The following KRT28 variants were observed in gnomAD, a reference collection of about 807,000 sequenced individuals.
The protein encoded by KRT28 is keratin 28.
KRT28 carries 45 observed loss-of-function variants against 48.1 expected under a neutral mutation model. That is an observed-to-expected ratio of 0.94 (90% confidence interval 0.74 to 1.20). The LOEUF (loss-of-function observed/expected upper bound fraction) is 1.20. Ranked by LOEUF, KRT28 falls within the 50% of genes most tolerant of loss-of-function variation. The pLI is 0.00. For synonymous variants in KRT28, 228 were observed against 227.4 expected (o/e 1.00, Z -0.03); for missense variants, 571 against 574.1 (o/e 0.99, Z 0.06).
At chr17:40,797,991 C>T (rs1028209162) in intron 3 of KRT28, among the ~76,000 whole-genome samples, 3 of 152,062 alleles carry the variant, frequency 2.0e-5, no homozygotes, top group Admixed American at 6.5e-5. Flanking sequence ...TAGGGATGAC[C>T]GCTGTCATTT....
chr17:40,793,108 T>C, intron 7 of KRT28, 47 bp downstream of exon 7: 1 of 1,344,470 alleles, frequency 7.4e-7, no homozygotes, highest in East Asian at 2.6e-5. Flanking sequence ...TCAAAAAAAT[T>C]TAAAAAAAGA....
chr17:40,793,714 C>CT lies in KRT28; in HGVS notation c.1196+114dup, dbSNP rs1030572797. The CT allele has an allele frequency of 3.1e-6, 3 of 978,358 alleles. No homozygotes were observed. In the African/African-American group the frequency reaches 4.9e-5, roughly 16 times the overall value. The allele number at this position is 978,358 out of a possible 1,614,324, so 60.6% of individuals were successfully genotyped here. ...TCCAAAAAAACAAGAGATGGACATG[C>CT]TTTTCTGCAGTGGGAATGAAAAAGA... On this transcript the variant is annotated intron_variant, in intron 6 of 7. Coordinates refer to ENST00000306658, the MANE Select transcript of KRT28 (RefSeq NM_181535.3).
At chr17:40,794,673 C>T (rs1458934704) in intron 5 of KRT28, among the ~76,000 whole-genome samples, 2 of 152,212 alleles carry the variant, frequency 1.3e-5, no homozygotes, top group African/African-American at 2.4e-5. Flanking sequence ...CATACTTCCT[C>T]TTTGCTACTT....
At position 40,793,832 on chromosome 17, in the gene KRT28, C is replaced by T. The variant is rs750479278; in HGVS notation, c.1193G>A (p.Gly398Glu). 55 of 1,613,818 alleles carry T rather than the reference C, an allele frequency of 3.4e-5. No homozygotes were observed. The highest frequency in any genetic ancestry group is 4.4e-5 in the Non-Finnish European group (52 of 1,179,830). ...ETYCRLIDGD[G>E]NSCSKSKGFG... ...ATTTTCAAATGGCTTTACTTACTTT[C>T]CATCTCCATCTATCAGGCGGCAGTA... The change falls in exon 6 of 8, where the codon GGA becomes GAA. Residue 398 changes from glycine (G) to glutamate (E), a missense_variant. Physicochemically the swap from Gly to Glu is moderately conservative, Grantham distance 98. Transcript: ENST00000306658.
At chr17:40,795,033 A>T (rs1424291117) in intron 5 of KRT28, among the ~76,000 whole-genome samples, 1 of 152,184 alleles carries the variant, frequency 6.6e-6, no homozygotes, top group Non-Finnish European at 1.5e-5. Context: ...TTAAAAAATA[A>T]TTTTGTATAT....
At position 40,799,513 on chromosome 17, in the gene KRT28, A is replaced by G; in HGVS notation, c.381T>C (p.Pro127=). ...KIKGWYEKYG[P]GSCRGLDHDY... Reference sequence around the variant, plus strand: ...CATGATCAAGTCCACGGCAAGATCCAGGTCCGTATTTTTCATACCAACCCT... The same window carrying G: ...CATGATCAAGTCCACGGCAAGATCCGGGTCCGTATTTTTCATACCAACCCT... The change falls in exon 1 of 8, where the codon CCT becomes CCC. Residue 127 remains proline, a synonymous_variant. Transcript: ENST00000306658. 1 of 1,614,204 alleles carries G rather than the reference A, an allele frequency of 6.2e-7. No individual in the cohort carries two copies. The highest frequency in any genetic ancestry group is 8.5e-7 in the Non-Finnish European group (1 of 1,180,038).
intron 5 of KRT28, 78 bp downstream of exon 5, chr17:40,796,838 G>A: frequency 6.7e-7 from 1 of 1,497,106 alleles, no homozygotes; most frequent in Non-Finnish European, 8.9e-7. Flanking sequence ...TAGGAAAAAA[G>A]AAGGAAGGGC....
intron 5 of KRT28, among the ~76,000 whole-genome samples, chr17:40,795,297 G>A (rs989642637): frequency 6.6e-6 from 1 of 152,016 alleles, no homozygotes; most frequent in Non-Finnish European, 1.5e-5. Flanking sequence ...GCGTGTGCTC[G>A]GCAGCTCAAA....
intron 5 of KRT28, 50 bp downstream of exon 5, chr17:40,796,866 G>A (rs774979319): frequency 1.3e-6 from 2 of 1,526,430 alleles, no homozygotes; most frequent in South Asian, 1.3e-5. Flanking sequence ...AGTGTTTCTC[G>A]GAGGCTTTCT....
chr17:40,795,198 G>C (rs1333184134), intron 5 of KRT28, among the ~76,000 whole-genome samples: 1 of 152,132 alleles, frequency 6.6e-6, no homozygotes, highest in Non-Finnish European at 1.5e-5. Context: ...TTACATGGAG[G>C]GTGCTGGGCT....
At chr17:40,796,764 A>G in intron 5 of KRT28, 152 bp downstream of exon 5, 1 of 984,504 alleles carries the variant, frequency 1.0e-6, no homozygotes, top group Non-Finnish European at 1.5e-6. Context: ...TTGAGTGTCT[A>G]TGCATCTGTT....
chr17:40,797,155 T>C lies in KRT28; in HGVS notation c.817A>G (p.Asn273Asp), dbSNP rs767613390. The change falls in exon 4 of 8, where the codon AAC (asparagine) becomes GAC (aspartate). Residue 273 changes from asparagine (N) to aspartate (D), a missense_variant. By Grantham distance (23) the Asn-to-Asp change is conservative (BLOSUM62 1). Transcript: ENST00000306658. ...AACCAGGCCTCCGCGTCCTTGCGGT[T>C]CTGCTCTGCAAGGGCTTCGTACTCC... ...RAEYEALAEQ[N>D]RKDAEAWFNE... The C allele has an allele frequency of 1.2e-6, 2 of 1,614,162 alleles. No individual in the cohort carries two copies. Among genetic ancestry groups the C allele is most frequent in the South Asian group, 2.2e-5 (2 of 91,082 alleles).
Position 40,797,137 on chromosome 17 carries a change from C to T in KRT28, c.835G>A (p.Ala279Thr), listed in dbSNP as rs150552656. 170 of 1,613,856 alleles carry T rather than the reference C, an allele frequency of 1.1e-4. No individual in the cohort carries two copies. Among genetic ancestry groups the T allele is most frequent in the Non-Finnish European group, 1.4e-4 (161 of 1,179,912 alleles). ...LAEQNRKDAE[A>T]WFNEKSASLQ... is the part of the protein sequence containing the mutation. The stretch of plus-strand genomic sequence containing the variant: ...CACCTCACCTTCTCATTGAACCAGG[C>T]CTCCGCGTCCTTGCGGTTCTGCTCT... The change falls in exon 4 of 8, where the codon GCC becomes ACC. Residue 279 changes from alanine to threonine, a missense_variant. By Grantham distance (58) the Ala-to-Thr change is moderately conservative. Transcript: ENST00000306658.
At chr17:40,796,781 T>C in intron 5 of KRT28, 135 bp downstream of exon 5, 1 of 1,206,948 alleles carries the variant, frequency 8.3e-7, no homozygotes, top group East Asian at 2.4e-5. Flanking sequence ...TGTTTTTTCC[T>C]GCTCTCCTCC....
At chr17:40,794,129 T>C (rs1268140451) in intron 5 of KRT28, 83 bp from the exon 6 acceptor site, 16 of 1,512,550 alleles carry the variant, frequency 1.1e-5, no homozygotes, top group Non-Finnish European at 7.3e-6. Flanking sequence ...ATCAGCAGGA[T>C]TGCTCCCTGG....
intron 3 of KRT28, among the ~76,000 whole-genome samples, chr17:40,797,813 C>T (rs894725753): frequency 6.6e-6 from 1 of 152,028 alleles, no homozygotes; most frequent in Non-Finnish European, 1.5e-5. Context: ...ACCACCACCA[C>T]CAAAAACAGT....
intron 6 of KRT28, 43 bp downstream of exon 6, chr17:40,793,786 C>A: frequency 1.2e-6 from 2 of 1,600,278 alleles, no homozygotes; most frequent in Admixed American, 1.7e-5. Context: ...ACATTTGTAG[C>A]TTAAAAGAGG....
In KRT28 at chr17:40,797,011, C is replaced by A. The variant is rs200061404; in HGVS notation, c.883G>T (p.Asp295Tyr). 5.6e-6 allele frequency: 9 copies of A among 1,612,700 alleles called. No homozygotes were observed. In the Admixed American group the frequency reaches 1.5e-4, roughly 27 times the overall value. Residue 295 changes from aspartate to tyrosine, a missense_variant, in exon 5 of 8, where the codon GAC becomes TAC. Asp to Tyr is a radical substitution (Grantham distance 160, BLOSUM62 -3). Transcript: ENST00000306658. Reference sequence around the variant, plus strand: ...CGGGCGAAAGTGGCTGCGCCTGAGTCGTGGGAGATCTGTTGCTGCAGCGAG... The same window carrying A: ...CGGGCGAAAGTGGCTGCGCCTGAGTAGTGGGAGATCTGTTGCTGCAGCGAG... ...SASLQQQISH[D>Y]SGAATFARSQ...
At position 40,797,002 on chromosome 17, in the gene KRT28, C is replaced by T. The variant is rs1904626620; in HGVS notation, c.892G>A (p.Ala298Thr). 1 of 1,612,812 alleles carries T rather than the reference C, an allele frequency of 6.2e-7. No homozygotes were observed. The highest frequency in any genetic ancestry group is 8.5e-7 in the Non-Finnish European group (1 of 1,179,582). Residue 298 changes from alanine (A) to threonine (T), a missense_variant, in exon 5 of 8, where the codon GCA becomes ACA. By Grantham distance (58) the Ala-to-Thr change is moderately conservative (BLOSUM62 0). Coordinates refer to ENST00000306658, the MANE Select transcript of KRT28 (RefSeq NM_181535.3). ...AGCTGGCTCCGGGCGAAAGTGGCTG[C>T]GCCTGAGTCGTGGGAGATCTGTTGC... ...LQQQISHDSG[A>T]ATFARSQLTE...
Sources: allele counts gnomAD v4.1 joint callset (sites outside exome capture counted in the v4.1 genomes callset), GRCh38; gene constraint gnomAD v4.1.1; transcripts MANE v1.5; gene names NCBI Gene and HGNC (gene_info 2026-07-23, HGNC 2026-07-21).